Variants in FANCC observed in about 807,000 individuals in gnomAD.
The protein encoded by FANCC is FA complementation group C.
FANCC carries 55 observed loss-of-function variants against 71.3 expected under a neutral mutation model. That is an observed-to-expected ratio of 0.77 (90% CI 0.62 to 0.97). The LOEUF is 0.97. FANCC is among the 50% of genes least tolerant of loss of function. FANCC has a pLI of 0.00. For missense variants in FANCC, 678 were observed against 670.9 expected (o/e 1.01, Z -0.12); for synonymous variants, 275 against 244.9 (o/e 1.12, Z -1.15).
At chr9:95,104,941 C>T (rs1020305008) in intron 14 of FANCC, among the ~76,000 whole-genome samples, 18 of 152,216 alleles carry the variant, frequency 1.2e-4, no homozygotes, top group African/African-American at 3.4e-4. Context: ...TGAGAGCATG[C>T]ATTTGTCTCT....
intron 1 of FANCC, among the ~76,000 whole-genome samples, chr9:95,284,415 A>G (rs1388166734): frequency 6.6e-6 from 1 of 152,234 alleles, no homozygotes; most frequent in East Asian, 1.9e-4. Flanking sequence ...AGTACGCAAC[A>G]AAATGACTGT....
chr9:95,117,573 T>C (rs1262586707), intron 10 of FANCC, among the ~76,000 whole-genome samples, 183 bp from the exon 11 acceptor site: 1 of 144,132 alleles, frequency 6.9e-6, no homozygotes, highest in Non-Finnish European at 1.5e-5. Flanking sequence ...TCCAGAATAA[T>C]TAACCTTTTT....
intron 12 of FANCC, 127 bp downstream of exon 12, chr9:95,114,502 T>C: frequency 8.1e-6 from 7 of 867,846 alleles, no homozygotes; most frequent in Non-Finnish European, 1.4e-5. Context: ...TTCACCATGG[T>C]GCTCACCTGT....
At chr9:95,129,070 T>G (rs1049259301) in intron 8 of FANCC, among the ~76,000 whole-genome samples, 2 of 152,044 alleles carry the variant, frequency 1.3e-5, no homozygotes, top group African/African-American at 4.8e-5. Context: ...ACCTGGCTAA[T>G]TTTTGTATTT....
intron 14 of FANCC, among the ~76,000 whole-genome samples, chr9:95,105,012 G>A (rs1220083249): frequency 1.3e-5 from 2 of 152,232 alleles, no homozygotes; most frequent in Admixed American, 1.3e-4. Flanking sequence ...TGTTGCAGGT[G>A]TGCATTTTAT....
chr9:95,117,870 C>T (rs925023453), intron 10 of FANCC, among the ~76,000 whole-genome samples: 1 of 151,946 alleles, frequency 6.6e-6, no homozygotes, highest in South Asian at 2.1e-4. Context: ...TACAGGCATG[C>T]GCCACCAAGC....
intron 7 of FANCC, among the ~76,000 whole-genome samples, chr9:95,141,557 G>C (rs976215963): frequency 6.6e-6 from 1 of 151,748 alleles, no homozygotes; most frequent in Admixed American, 6.6e-5. Flanking sequence ...ATTGTAGGTC[G>C]GCCCTTTCTT....
intron 13 of FANCC, chr9:95,107,514 C>CTT: frequency 1.7e-6 from 1 of 582,714 alleles, no homozygotes; most frequent in Admixed American, 3.0e-5. Context: ...AGGAACTGAC[C>CTT]TTTTTTTGTA....
chr9:95,282,619 G>A (rs1833444326), intron 1 of FANCC, among the ~76,000 whole-genome samples: 1 of 152,072 alleles, frequency 6.6e-6, no homozygotes, highest in Non-Finnish European at 1.5e-5. Flanking sequence ...CTATCCAACA[G>A]GTACAGAATA....
intron 1 of FANCC, among the ~76,000 whole-genome samples, chr9:95,281,187 AG>A (rs1382387801): frequency 2.0e-5 from 3 of 152,138 alleles, no homozygotes; most frequent in Admixed American, 2.0e-4. Flanking sequence ...ATCCACGTAC[AG>A]GAAGATCAAG....
Position 95,101,563 on chromosome 9 carries a change from A to C in FANCC, c.*144T>G. The C allele has an allele frequency of 1.0e-6, 1 of 976,464 alleles. No individual in the cohort carries two copies. The allele number at this position is 976,464 out of a possible 1,614,324, so 60.5% of individuals were successfully genotyped here. A position where few individuals can be genotyped will look rare whatever the true frequency, so the allele number is the denominator to read the frequency against. On this transcript the variant is annotated 3_prime_UTR_variant, in exon 15 of 15. Transcript: ENST00000289081. ...CATTTTGTAAAATAGATACTAGCAG[A>C]TTGTCCCAAGATGTGTACAGCTCAT...
Position 95,272,593 on chromosome 9 carries a change from A to T in FANCC, c.-78-23224T>A, listed in dbSNP as rs558611298. Among the ~76,000 whole-genome samples, 68 of 152,186 alleles carry T rather than the reference A, an allele frequency of 4.5e-4. No homozygotes were observed. The South Asian group carries it at 0.013, about 30-fold the overall frequency. On this transcript the variant is annotated intron_variant, in intron 1 of 14. Coordinates refer to ENST00000289081, the MANE Select transcript of FANCC (RefSeq NM_000136.3). The stretch of plus-strand genomic sequence containing the variant: ...ATGTCTGTAATCCCAGCTACTCGGG[A>T]GGCTGTGGCGAGAATTGCTTGAACC...
intron 1 of FANCC, among the ~76,000 whole-genome samples, chr9:95,270,416 AT>A (rs1404202152): frequency 6.6e-6 from 1 of 152,228 alleles, no homozygotes; most frequent in Non-Finnish European, 1.5e-5. Flanking sequence ...GTGCACATTT[AT>A]TACTTTGGAA....
chr9:95,124,209 T>A (rs1267138247), intron 10 of FANCC, among the ~76,000 whole-genome samples: 2 of 151,362 alleles, frequency 1.3e-5, no homozygotes, highest in African/African-American at 4.9e-5. Context: ...GCATTGTAGT[T>A]CTCCTCTCGG....
chr9:95,240,521 G>A, intron 4 of FANCC, 128 bp downstream of exon 4: 6 of 672,876 alleles, frequency 8.9e-6, no homozygotes, highest in South Asian at 8.6e-5. Context: ...AACAGTGAAG[G>A]GTATGTTTGA....
intron 1 of FANCC, among the ~76,000 whole-genome samples, chr9:95,279,702 C>G (rs143918961): frequency 2.0e-5 from 3 of 152,108 alleles, no homozygotes; most frequent in Non-Finnish European, 2.9e-5. Flanking sequence ...AATCCCAGCA[C>G]TTTGGGAGGC....
At position 95,101,695 on chromosome 9, in the gene FANCC, C is replaced by G; in HGVS notation, c.*12G>C. 1 of 1,613,498 alleles carries G rather than the reference C, an allele frequency of 6.2e-7. No individual in the cohort carries two copies. The highest frequency in any genetic ancestry group is 2.2e-5 in the East Asian group (1 of 44,868). ...TCCCTCACGCCGGGCACCCACACGG[C>G]CTGCGTGCCTTCTAGACTTGAGTTC... On this transcript the variant is annotated 3_prime_UTR_variant, in exon 15 of 15. Coordinates refer to ENST00000289081, the MANE Select transcript of FANCC (RefSeq NM_000136.3).
At chr9:95,269,812 G>A (rs562710807) in intron 1 of FANCC, among the ~76,000 whole-genome samples, 27 of 152,214 alleles carry the variant, frequency 1.8e-4, no homozygotes, top group Non-Finnish European at 2.9e-4. Flanking sequence ...GGTGTTTCTC[G>A]TAAGGTGGGA....
chr9:95,107,016 C>T lies in FANCC; in HGVS notation c.1533+50G>A, dbSNP rs4647544. 3.2e-4 allele frequency: 503 copies of T among 1,590,128 alleles called. No individual in the cohort carries two copies. In the East Asian group the frequency reaches 7.3e-3, roughly 23 times the overall value. Reference sequence around the variant, plus strand: ...ACCCTCGGACAGGTAACCCACCTCTCGCCTGGAGCAGAAATGAGTACTAGG... The same window carrying T: ...ACCCTCGGACAGGTAACCCACCTCTTGCCTGGAGCAGAAATGAGTACTAGG... On this transcript the variant is annotated intron_variant, in intron 14 of 14. Transcript: ENST00000289081.
Sources: allele counts gnomAD v4.1 joint callset (sites outside exome capture counted in the v4.1 genomes callset), GRCh38; gene constraint gnomAD v4.1.1; transcripts MANE v1.5; gene names NCBI Gene and HGNC (gene_info 2026-07-23, HGNC 2026-07-21).